Variants in SYN2 observed in about 807,000 individuals in gnomAD.
The protein encoded by SYN2 is synapsin II.
A neutral mutation model predicts 50.9 loss-of-function variants in SYN2; 19 were observed. The ratio of observed to expected loss-of-function variants is 0.37; its 90% CI spans 0.26 to 0.55. The LOEUF is 0.55. Ranked by LOEUF, SYN2 falls within the 20% of genes least tolerant of loss-of-function variation. SYN2 has a pLI of 0.81. For synonymous variants in SYN2, 255 were observed against 224.9 expected, an observed-to-expected ratio of 1.13 and a Z score of -1.20; for missense variants, 587 against 576.4, an observed-to-expected ratio of 1.02 and a Z score of -0.19.
At chr3:12,169,965 AGATGTT>A in intron 10 of SYN2, 59 bp downstream of exon 10, 1 of 1,527,718 alleles carries the variant, frequency 6.5e-7, no homozygotes, top group South Asian at 1.3e-5. Flanking sequence ...CCACTCCTCT[AGATGTT>A]GATGGCTAAA....
At chr3:12,155,802 C>G (rs1697439690) in intron 5 of SYN2, among the ~76,000 whole-genome samples, 1 of 152,184 alleles carries the variant, frequency 6.6e-6, no homozygotes, top group Admixed American at 6.5e-5. Flanking sequence ...TAGCAGCGGG[C>G]TAGACACACA....
At chr3:12,156,815 C>G in intron 5 of SYN2, 2 of 1,612,358 alleles carry the variant, frequency 1.2e-6, no homozygotes, top group South Asian at 2.2e-5. Context: ...GGTCTTTTAA[C>G]TTACCAGTCA....
chr3:12,091,119 G>A (rs1695815757), intron 1 of SYN2, among the ~76,000 whole-genome samples: 1 of 152,108 alleles, frequency 6.6e-6, no homozygotes, highest in African/African-American at 2.4e-5. Flanking sequence ...GTTTATAATA[G>A]TTTGCTTTCA....
At chr3:12,009,554 C>A (rs372005077) in intron 1 of SYN2, among the ~76,000 whole-genome samples, 121 of 152,294 alleles carry the variant, frequency 7.9e-4, no homozygotes, top group African/African-American at 2.7e-3. Flanking sequence ...AGAATGGGAA[C>A]TAAAACTCAC....
intron 1 of SYN2, among the ~76,000 whole-genome samples, chr3:12,058,226 T>G (rs1695037346): frequency 6.6e-6 from 1 of 152,206 alleles, no homozygotes; most frequent in Non-Finnish European, 1.5e-5. Context: ...TCTTAACAGT[T>G]TAGCATAAAT....
intron 3 of SYN2, among the ~76,000 whole-genome samples, chr3:12,142,482 ATTC>A (rs1487058198): frequency 6.6e-6 from 1 of 152,182 alleles, no homozygotes; most frequent in Non-Finnish European, 1.5e-5. Flanking sequence ...TCCATCCTGT[ATTC>A]TTTCTATATT....
At chr3:12,047,936 C>G (rs143411060) in intron 1 of SYN2, among the ~76,000 whole-genome samples, 2 of 152,308 alleles carry the variant, frequency 1.3e-5, no homozygotes, top group East Asian at 1.9e-4. Flanking sequence ...GCAGTTAACT[C>G]TGGGTATGAG....
At chr3:12,173,712 G>A (rs908445406) in intron 10 of SYN2, among the ~76,000 whole-genome samples, 10 of 151,942 alleles carry the variant, frequency 6.6e-5, no homozygotes, top group Non-Finnish European at 1.2e-4. Context: ...TCAGGAGTTC[G>A]AGACCAGCCT....
At chr3:12,087,585 C>T (rs1695731338) in intron 1 of SYN2, among the ~76,000 whole-genome samples, 1 of 150,958 alleles carries the variant, frequency 6.6e-6, no homozygotes, top group Non-Finnish European at 1.5e-5. Context: ...CCTGCCTCTA[C>T]AAAAAAGGAA....
intron 5 of SYN2, chr3:12,158,889 GC>G: frequency 3.4e-6 from 5 of 1,476,606 alleles, no homozygotes; most frequent in Non-Finnish European, 4.5e-6. Context: ...GGACTGGACG[GC>G]CCCAGCAGGG....
chr3:12,004,738 C>CCGCCCGCCTCGG lies in SYN2; in HGVS notation c.195_206dup (p.Ser66_Ala69dup), dbSNP rs1693752023. 4.7e-6 allele frequency: 1 copy of CCGCCCGCCTCGG among 214,264 alleles called. No individual in the cohort carries two copies. Among genetic ancestry groups the CCGCCCGCCTCGG allele is most frequent in the Admixed American group, 6.1e-5 (1 of 16,348 alleles). The allele number at this position is 214,264 out of a possible 1,614,324, so 13.3% of individuals were successfully genotyped here. ...CTCGCCGGGCCCGGAGCGGAGGCCG[C>CCGCCCGCCTCGG]CGCCCGCCTCGGCGCCCGCGCCGCA... On this transcript the variant is annotated inframe_insertion, in exon 1 of 13. Transcript: ENST00000621198.
chr3:12,038,087 G>C (rs548207088), intron 1 of SYN2, among the ~76,000 whole-genome samples: 35 of 152,088 alleles, frequency 2.3e-4, no homozygotes, highest in Non-Finnish European at 4.6e-4. Flanking sequence ...TTTTGTATAT[G>C]CTGTGAAGAG....
At chr3:12,173,472 T>A (rs1023019952) in intron 10 of SYN2, among the ~76,000 whole-genome samples, 10 of 152,228 alleles carry the variant, frequency 6.6e-5, no homozygotes, top group African/African-American at 2.4e-4. Flanking sequence ...TTCAAGTATC[T>A]GCTTTCTTCT....
At chr3:12,176,239 G>C (rs962232095) in intron 10 of SYN2, among the ~76,000 whole-genome samples, 2 of 152,248 alleles carry the variant, frequency 1.3e-5, no homozygotes, top group Admixed American at 6.5e-5. Flanking sequence ...AACAGGGAGA[G>C]AACTTCAGGG....
chr3:12,025,529 A>T (rs1037739700), intron 1 of SYN2, among the ~76,000 whole-genome samples: 7 of 152,170 alleles, frequency 4.6e-5, no homozygotes, highest in Non-Finnish European at 1.0e-4. Context: ...CAAGCCAGAA[A>T]ACTGACGCTA....
At chr3:12,005,068 C>G (rs2618392) in intron 1 of SYN2, 140 bp downstream of exon 1, 386,798 of 386,800 alleles carry the variant, frequency 1, 193,398 homozygotes, top group Middle Eastern at 1. Context: ...GGAGGAGGTG[C>G]GGGCTGAGCG....
At chr3:12,041,062 G>T (rs1175648539) in intron 1 of SYN2, among the ~76,000 whole-genome samples, 1 of 152,144 alleles carries the variant, frequency 6.6e-6, no homozygotes, top group Non-Finnish European at 1.5e-5. Flanking sequence ...CATCAAACTT[G>T]GCAGACAACT....
intron 1 of SYN2, among the ~76,000 whole-genome samples, chr3:12,085,214 C>CA (rs1695668917): frequency 6.6e-6 from 1 of 151,386 alleles, no homozygotes; most frequent in South Asian, 2.1e-4. Context: ...TGCAAAGGAG[C>CA]AGGAATAGCT....
intron 1 of SYN2, among the ~76,000 whole-genome samples, chr3:12,100,965 A>G (rs1381599600): frequency 6.6e-6 from 1 of 152,168 alleles, no homozygotes; most frequent in African/African-American, 2.4e-5. Context: ...TTATAATAAA[A>G]AAGATGGACA....
Sources: allele counts gnomAD v4.1 joint callset (sites outside exome capture counted in the v4.1 genomes callset), GRCh38; gene constraint gnomAD v4.1.1; transcripts MANE v1.5; gene names NCBI Gene and HGNC (gene_info 2026-07-23, HGNC 2026-07-21).